Variants in PTPRF observed in about 807,000 individuals in gnomAD.
PTPRF encodes protein tyrosine phosphatase receptor type F, also known as receptor-type tyrosine-protein phosphatase F.
Under a neutral mutation model 201.8 loss-of-function variants are expected in PTPRF, and 59 were observed. The observed-to-expected ratio is 0.29, with a 90% CI of 0.24 to 0.36. The LOEUF (loss-of-function observed/expected upper bound fraction) is 0.36. Ranked by LOEUF, PTPRF falls within the 10% of genes least tolerant of loss-of-function variation. The probability of loss-of-function intolerance (pLI) is 1.00; values close to 1 mark genes in which losing one functional copy is unlikely to be tolerated. For missense variants in PTPRF, 2,132 were observed against 2,690.5 expected, an observed-to-expected ratio of 0.79 and a Z score of 4.59; for synonymous variants, 1,088 against 1,089.7, an observed-to-expected ratio of 1.00 and a Z score of 0.03.
At chr1:43,606,496 C>T (rs756567504) in intron 20 of PTPRF, 38 bp downstream of exon 20, 2 of 1,572,736 alleles carry the variant, frequency 1.3e-6, no homozygotes, top group South Asian at 1.1e-5. Context: ...CACCCTGATT[C>T]CCTGGGCCTG....
chr1:43,579,354 G>C (rs1647161869), intron 7 of PTPRF: 1 of 395,010 alleles, frequency 2.5e-6, no homozygotes, highest in Non-Finnish European at 5.1e-6. Context: ...GTGGGCTCCA[G>C]AACCACCATG....
At chr1:43,533,400 A>G (rs1368418338) in intron 1 of PTPRF, among the ~76,000 whole-genome samples, 1 of 152,106 alleles carries the variant, frequency 6.6e-6, no homozygotes, top group African/African-American at 2.4e-5. Context: ...ACGCAGCAAA[A>G]TACTAGCCCT....
intron 12 of PTPRF, 58 bp from the exon 13 acceptor site, chr1:43,598,662 C>T: frequency 6.6e-7 from 1 of 1,518,488 alleles, no homozygotes; most frequent in East Asian, 2.3e-5. Context: ...TTGCTGTGCC[C>T]ACCTGAGCTA....
Position 43,603,823 on chromosome 1 carries a change from C to T in PTPRF, c.2671C>T (p.Arg891Trp), listed in dbSNP as rs767075536. The change falls in exon 16 of 34, where the codon CGG (arginine) becomes TGG (tryptophan). Residue 891 changes from arginine (R) to tryptophan (W), a missense_variant. Around this residue, in one of 6 missense-constraint regions of PTPRF, gnomAD observed 818 missense variants for 915.3 expected, o/e 0.89. Transcript: ENST00000359947. This position sits in a 1 kb window ranked among gnomAD's most constrained non-coding sequence, Gnocchi z 5.8. ...GCACAAGGGGACCACCTACATCTTC[C>T]GGCTTGCTGCCAAGAACCGGGCTGG... ...GLHKGTTYIF[R>W]LAAKNRAGLG... is the part of the protein sequence containing the mutation. 20 of 1,614,058 alleles carry T rather than the reference C, an allele frequency of 1.2e-5. No individual in the cohort carries two copies. The highest frequency in any genetic ancestry group is 5.3e-5 in the African/African-American group (4 of 74,956).
chr1:43,582,415 C>T (rs1456713722), intron 7 of PTPRF: 1 of 152,440 alleles, frequency 6.6e-6, no homozygotes, highest in Non-Finnish European at 1.5e-5. Flanking sequence ...AGCCTTTCTC[C>T]TTCACCACCT....
Position 43,537,049 on chromosome 1 carries a change from T to C in PTPRF, c.-125-1149T>C, listed in dbSNP as rs1644065122. 6.6e-6 allele frequency among the ~76,000 whole-genome samples: 1 copy of C among 152,118 alleles called. No individual in the cohort carries two copies. Among genetic ancestry groups the C allele is most frequent in the East Asian group, 1.9e-4 (1 of 5,186 alleles). On this transcript the variant is annotated intron_variant, in intron 1 of 33. Transcript: ENST00000359947. This position sits in a 1 kb window ranked among gnomAD's most constrained non-coding sequence, Gnocchi z 4.8. ...GTGTCCGTTATAGGAGGAGCCAAGG[T>C]GGCAGAGTGGTGTGGGGTGGGGATC...
At chr1:43,612,865 CT>C (rs1423684937) in intron 22 of PTPRF, 2 of 1,259,782 alleles carry the variant, frequency 1.6e-6, no homozygotes, top group Non-Finnish European at 2.1e-6. Context: ...CCACTCCTTA[CT>C]TTTGTTTACC....
chr1:43,569,512 T>C (rs1296095019), intron 5 of PTPRF, 78 bp from the exon 6 acceptor site: 26 of 1,447,158 alleles, frequency 1.8e-5, no homozygotes, highest in East Asian at 9.4e-5. Flanking sequence ...CAACCTGCAG[T>C]TGGGGAGGTT....
chr1:43,574,362 T>C (rs964509336), intron 6 of PTPRF, among the ~76,000 whole-genome samples: 5 of 152,192 alleles, frequency 3.3e-5, no homozygotes, highest in African/African-American at 1.2e-4. Flanking sequence ...TTTTAAAATA[T>C]TTATTAATGC....
At chr1:43,560,105 AGTGT>A (rs58961389) in intron 5 of PTPRF, among the ~76,000 whole-genome samples, 30 of 139,838 alleles carry the variant, frequency 2.1e-4, no homozygotes, top group African/African-American at 3.7e-4. Context: ...TGCAGCAGGC[AGTGT>A]GTGTGTGTGT....
At chr1:43,532,091 T>C (rs1488534425) in intron 1 of PTPRF, among the ~76,000 whole-genome samples, 1 of 152,140 alleles carries the variant, frequency 6.6e-6, no homozygotes, top group Non-Finnish European at 1.5e-5. Context: ...GGTCTCTCTA[T>C]TTCCTCTCCC....
In PTPRF at chr1:43,542,071, C is replaced by G. The variant is rs1166707927; in HGVS notation, c.-45-2960C>G. Among the ~76,000 whole-genome samples the G allele has an allele frequency of 2.0e-5, 3 of 152,198 alleles. No homozygotes were observed. The highest frequency in any genetic ancestry group is 1.3e-4 in the Admixed American group (2 of 15,286). On this transcript the variant is annotated intron_variant, in intron 2 of 33. Coordinates refer to ENST00000359947, the MANE Select transcript of PTPRF (RefSeq NM_002840.5). This position sits in a 1 kb window ranked among gnomAD's most constrained non-coding sequence, Gnocchi z 5.2. ...AGCCCTGCCCCTTGTTCCTCTCCCA[C>G]CTTCTCCCCACAGGTGACCCTGGGA...
chr1:43,558,495 G>A (rs1179796590), intron 5 of PTPRF, among the ~76,000 whole-genome samples: 1 of 152,168 alleles, frequency 6.6e-6, no homozygotes, highest in Non-Finnish European at 1.5e-5. Context: ...GACTGCATAC[G>A]AGGTGGGGGT....
Position 43,537,070 on chromosome 1 carries a change from G to A in PTPRF, c.-125-1128G>A, listed in dbSNP as rs143248936. 9.1e-4 allele frequency among the ~76,000 whole-genome samples: 139 copies of A among 152,320 alleles called. No individual in the cohort carries two copies. The highest frequency in any genetic ancestry group is 3.2e-3 in the African/African-American group (133 of 41,556). ...AAGGTGGCAGAGTGGTGTGGGGTGG[G>A]GATCACTGTGCATGTGGGGGCTTGA... On this transcript the variant is annotated intron_variant, in intron 1 of 33. Coordinates refer to ENST00000359947, the MANE Select transcript of PTPRF (RefSeq NM_002840.5). The surrounding 1 kb of genome is among the most constrained non-coding windows in gnomAD (Gnocchi z 4.8).
chr1:43,546,175 G>A lies in PTPRF; in HGVS notation c.91+1009G>A, dbSNP rs1644661760. Among the ~76,000 whole-genome samples the A allele has an allele frequency of 6.6e-6, 1 of 152,194 alleles. No individual in the cohort carries two copies. Among genetic ancestry groups the A allele is most frequent in the Non-Finnish European group, 1.5e-5 (1 of 68,036 alleles). On this transcript the variant is annotated intron_variant, in intron 3 of 33. Transcript: ENST00000359947. The surrounding 1 kb of genome is among the most constrained non-coding windows in gnomAD (Gnocchi z 4.2). ...AGATCTCTCCCCTTGCCCCACCAGGGCTCTTTCTCCTAATGGCTCATTAAT... is the reference window on the plus strand; with the variant it reads ...AGATCTCTCCCCTTGCCCCACCAGGACTCTTTCTCCTAATGGCTCATTAAT...
chr1:43,583,069 T>A (rs753385345), intron 7 of PTPRF: 4 of 985,514 alleles, frequency 4.1e-6, no homozygotes, highest in Non-Finnish European at 4.8e-6. Flanking sequence ...CAACCCAAAC[T>A]CTCATCTCTC....
At chr1:43,574,016 G>T (rs1201193974) in intron 6 of PTPRF, among the ~76,000 whole-genome samples, 5 of 71,540 alleles carry the variant, frequency 7.0e-5, no homozygotes, top group East Asian at 5.2e-4. Context: ...TTTTTTTTGA[G>T]ACAGAGTTTC....
At chr1:43,584,449 G>C (rs539907947) in intron 7 of PTPRF, among the ~76,000 whole-genome samples, 1 of 152,172 alleles carries the variant, frequency 6.6e-6, no homozygotes, top group Non-Finnish European at 1.5e-5. Flanking sequence ...GCAGATCTGC[G>C]AGGGCGTCCA....
At chr1:43,560,343 G>A (rs1375148607) in intron 5 of PTPRF, among the ~76,000 whole-genome samples, 1 of 152,062 alleles carries the variant, frequency 6.6e-6, no homozygotes, top group East Asian at 1.9e-4. Context: ...TGTGCAGCAG[G>A]CTGTGTGCTT....
Sources: gnomAD v4.1 joint callset for allele counts (sites outside exome capture counted in the v4.1 genomes callset) on GRCh38, gnomAD v4.1.1 for gene constraint, gnomAD v4.1.1 regional missense constraint, Gnocchi (gnomAD v3.1) non-coding constraint, MANE v1.5 for transcripts, NCBI Gene and HGNC (gene_info 2026-07-23, HGNC 2026-07-21) for gene names.